RAB3IP: variants seen among roughly 807,000 people sequenced by gnomAD.
RAB3IP encodes RAB3A interacting protein, also known as rab-3A-interacting protein.
Under a neutral mutation model 59.1 loss-of-function variants are expected in RAB3IP, and 36 were observed. The observed-to-expected ratio is 0.61, with a 90% CI of 0.47 to 0.80. RAB3IP has a LOEUF of 0.80. RAB3IP is among the 30% of genes least tolerant of loss of function. RAB3IP has a pLI of 0.00. For synonymous variants in RAB3IP, 207 were observed against 191.2 expected (o/e 1.08, Z -0.68); for missense variants, 511 against 536.0 (o/e 0.95, Z 0.46).
chr12:69,779,795 T>A (rs2136191708), intron 3 of RAB3IP, among the ~76,000 whole-genome samples: 1 of 152,326 alleles, frequency 6.6e-6, no homozygotes, highest in East Asian at 1.9e-4. Context: ...CTAGTTTGAT[T>A]TTTATTCTGA....
At chr12:69,786,732 G>T (rs1875712874) in intron 4 of RAB3IP, among the ~76,000 whole-genome samples, 1 of 152,120 alleles carries the variant, frequency 6.6e-6, no homozygotes, top group Non-Finnish European at 1.5e-5. Flanking sequence ...AATAGAAGTA[G>T]AAAAAACAGA....
chr12:69,804,358 T>C (rs1878894782), intron 8 of RAB3IP, among the ~76,000 whole-genome samples: 1 of 152,214 alleles, frequency 6.6e-6, no homozygotes, highest in Non-Finnish European at 1.5e-5. Flanking sequence ...TTTTTTCTTG[T>C]AAATTTGTTT....
At chr12:69,768,402 G>A (rs1435567160) in intron 3 of RAB3IP, among the ~76,000 whole-genome samples, 1 of 152,228 alleles carries the variant, frequency 6.6e-6, no homozygotes, top group Non-Finnish European at 1.5e-5. Flanking sequence ...AGGTGGTGCA[G>A]GCTGCTGGTC....
intron 9 of RAB3IP, 33 bp from the exon 10 acceptor site, chr12:69,812,931 G>A (rs1186530329): frequency 6.2e-7 from 1 of 1,605,828 alleles, no homozygotes; most frequent in Non-Finnish European, 8.5e-7. Context: ...TGGGACATTT[G>A]ACCATTCATG....
chr12:69,814,609 C>G (rs1257743970), intron 10 of RAB3IP, among the ~76,000 whole-genome samples: 2 of 151,812 alleles, frequency 1.3e-5, no homozygotes, highest in Non-Finnish European at 2.9e-5. Context: ...CGAGATGGGA[C>G]AGTGAAAAAT....
intron 3 of RAB3IP, among the ~76,000 whole-genome samples, chr12:69,762,774 AAAAAAGAAAAAAGAG>A (rs1871541281): frequency 6.7e-6 from 1 of 149,552 alleles, no homozygotes; most frequent in African/African-American, 2.5e-5. Context: ...AAAAAAAAAA[AAAAAAGAAAAAAGAG>A]AAAAAGAGAA....
intron 3 of RAB3IP, among the ~76,000 whole-genome samples, chr12:69,763,067 G>A (rs949931237): frequency 5.3e-5 from 8 of 152,194 alleles, no homozygotes; most frequent in African/African-American, 1.9e-4. Flanking sequence ...AAAGAACTGA[G>A]GGTGCTGGGA....
chr12:69,749,154 A>G (rs1868813983), intron 1 of RAB3IP, among the ~76,000 whole-genome samples: 1 of 152,132 alleles, frequency 6.6e-6, no homozygotes, highest in Non-Finnish European at 1.5e-5. Flanking sequence ...GGTAAGTGGC[A>G]GAAGGTAAGT....
upstream of RAB3IP, chr12:69,738,788 A>ACCC (rs1301238080): frequency 1.4e-5 from 2 of 144,506 alleles, no homozygotes; most frequent in African/African-American, 5.1e-5. Flanking sequence ...TGCCGGCCAC[A>ACCC]CCCCCCTACC....
In RAB3IP at chr12:69,815,417, A is replaced by G; in HGVS notation, c.1354A>G (p.Lys452Glu). 6.2e-7 allele frequency: 1 copy of G among 1,612,952 alleles called. No individual in the cohort carries two copies. Among genetic ancestry groups the G allele is most frequent in the Non-Finnish European group, 8.5e-7 (1 of 1,179,052 alleles). Residue 452 changes from lysine (K) to glutamate (E), a missense_variant, in exon 11 of 11, where the codon AAG (lysine) becomes GAG (glutamate). Lys to Glu is a moderately conservative substitution (Grantham distance 56). Transcript: ENST00000247833. ...GTTGAGAAAAGAGATGTCATTGGCA[A>G]AGCTGGGTTATTTCAAAGAGGAACT... ...MQLRKEMSLA[K>E]LGYFKEEL is the part of the protein sequence containing the mutation.
chr12:69,741,295 C>T (rs1038576479), intron 1 of RAB3IP, among the ~76,000 whole-genome samples: 1 of 152,068 alleles, frequency 6.6e-6, no homozygotes. Context: ...TAGAAAGTTG[C>T]GATAATTTGT....
In RAB3IP at chr12:69,759,786, C is replaced by T. The variant is rs1220952421; in HGVS notation, c.510+3123C>T. The stretch of plus-strand genomic sequence containing the variant: ...CTCCCGGATGGGGCGGCTGGCCGGG[C>T]GGGGGCTGACCTCCCACCTCCCTCC... On this transcript the variant is annotated intron_variant, in intron 3 of 10. Transcript: ENST00000247833. 1.5e-3 allele frequency among the ~76,000 whole-genome samples: 232 copies of T among 150,594 alleles called. 1 individual carries two copies. The highest frequency in any genetic ancestry group is 5.2e-3 in the African/African-American group (213 of 40,986).
Position 69,795,018 on chromosome 12 carries a change from A to G in RAB3IP, c.685-123A>G, listed in dbSNP as rs569263099. On this transcript the variant is annotated intron_variant, in intron 5 of 10. Coordinates refer to ENST00000247833, the MANE Select transcript of RAB3IP (RefSeq NM_022456.5). ...GATTTTAGTTTCTTTTTATTACTCCACAGGAAATACAAATTAAACTTACTT... is the reference window on the plus strand; with the variant it reads ...GATTTTAGTTTCTTTTTATTACTCCGCAGGAAATACAAATTAAACTTACTT... 2.0e-5 allele frequency: 15 copies of G among 736,158 alleles called. No individual in the cohort carries two copies. In the East Asian group the frequency reaches 3.2e-4, roughly 16 times the overall value. The allele number at this position is 736,158 out of a possible 1,614,324, so 45.6% of individuals were successfully genotyped here.
At chr12:69,773,595 T>C (rs1873581469) in intron 3 of RAB3IP, among the ~76,000 whole-genome samples, 2 of 96,620 alleles carry the variant, frequency 2.1e-5, no homozygotes, top group African/African-American at 8.0e-5. Flanking sequence ...CAGAGTGTGA[T>C]ATTCCCCTTC....
rs577195504 is a variant in RAB3IP at position 69,818,944 on chromosome 12, G to A, written c.*3498G>A. ...AAGTACATGAGCTGGGTGTAGTGGTGCGTGCTTATAGTCCCAGCTACTTGG... is the reference window on the plus strand; with the variant it reads ...AAGTACATGAGCTGGGTGTAGTGGTACGTGCTTATAGTCCCAGCTACTTGG... On this transcript the variant is annotated 3_prime_UTR_variant, in exon 11 of 11. Coordinates refer to ENST00000247833, the MANE Select transcript of RAB3IP (RefSeq NM_022456.5). 2.0e-5 allele frequency: 3 copies of A among 152,144 alleles called. No individual in the cohort carries two copies. The highest frequency in any genetic ancestry group is 4.4e-5 in the Non-Finnish European group (3 of 68,054). The allele number at this position is 152,144 out of a possible 1,614,324, so 9.4% of individuals were successfully genotyped here.
chr12:69,766,214 G>C (rs1442988255), intron 3 of RAB3IP, among the ~76,000 whole-genome samples: 1 of 152,140 alleles, frequency 6.6e-6, no homozygotes, highest in Non-Finnish European at 1.5e-5. Flanking sequence ...AGCAAGGTTA[G>C]GGAAATTTTC....
Position 69,740,800 on chromosome 12 carries a change from C to A in RAB3IP, c.-26+1769C>A, listed in dbSNP as rs192519299. ...GAAAGGTTCTTAGAAATGTTTCACCCCCTCATTTTTTAAATATGGCACGAA... is the reference window on the plus strand; with the variant it reads ...GAAAGGTTCTTAGAAATGTTTCACCACCTCATTTTTTAAATATGGCACGAA... On this transcript the variant is annotated intron_variant, in intron 1 of 10. Coordinates refer to ENST00000247833, the MANE Select transcript of RAB3IP (RefSeq NM_022456.5). Among the ~76,000 whole-genome samples the A allele has an allele frequency of 2.0e-5, 3 of 152,232 alleles. No individual in the cohort carries two copies. In the East Asian group the frequency reaches 5.8e-4, roughly 29 times the overall value.
intron 3 of RAB3IP, among the ~76,000 whole-genome samples, chr12:69,779,571 A>G (rs79028842): frequency 0.025 from 3,396 of 134,170 alleles, 132 homozygotes; most frequent in African/African-American, 0.088. Flanking sequence ...CTACCTGTAT[A>G]TTTTTCACTT....
In RAB3IP at chr12:69,756,569, C is replaced by G. The variant is rs768836111; in HGVS notation, c.416C>G (p.Thr139Ser). The G allele has an allele frequency of 2.5e-6, 4 of 1,613,978 alleles. No individual in the cohort carries two copies. Among genetic ancestry groups the G allele is most frequent in the African/African-American group, 1.3e-5 (1 of 74,894 alleles). The change falls in exon 3 of 11, where the codon ACT becomes AGT. Residue 139 changes from threonine to serine, a missense_variant. Transcript: ENST00000247833. ...DGSDDIFGLS[T>S]DSLSRLRSPS... ...AGTGATGATATTTTTGGGTTGAGTA[C>G]TGATAGTCTGTCTCGTTTACGAAGC...
Sources: allele counts gnomAD v4.1 joint callset (sites outside exome capture counted in the v4.1 genomes callset), GRCh38; gene constraint gnomAD v4.1.1; transcripts MANE v1.5; gene names NCBI Gene and HGNC (gene_info 2026-07-23, HGNC 2026-07-21).